Variants in FBXW2 observed in about 807,000 individuals in gnomAD.
FBXW2 encodes the protein F-box and WD repeat domain containing 2.
Under a neutral mutation model 46.0 loss-of-function variants are expected in FBXW2, and 12 were observed. The ratio of observed to expected loss-of-function variants is 0.26; its 90% CI spans 0.17 to 0.42. The LOEUF is 0.42. Among genes scored for constraint, FBXW2 ranks in the 10% least tolerant of loss-of-function variants. The pLI, the probability that FBXW2 is intolerant of heterozygous loss-of-function variation, is 1.00. For synonymous variants in FBXW2, 203 were observed against 209.6 expected (o/e 0.97, Z 0.27); for missense variants, 360 against 537.0 (o/e 0.67, Z 3.26).
At chr9:120,791,423 G>T (rs563309959) in intron 2 of FBXW2, among the ~76,000 whole-genome samples, 3 of 152,242 alleles carry the variant, frequency 2.0e-5, no homozygotes, top group South Asian at 2.1e-4. Context: ...TGTGATTATG[G>T]GCATGTCCAA....
rs1006310540 is a variant in FBXW2, at chr9:120,761,008, T to C, written c.*3551A>G. 11 of 152,240 alleles carry C rather than the reference T, an allele frequency of 7.2e-5. No homozygotes were observed. Among genetic ancestry groups the C allele is most frequent in the African/African-American group, 2.4e-4 (10 of 41,474 alleles). 9.4% of individuals were successfully genotyped at this position (152,240 alleles called of 1,614,324 possible). On this transcript the variant is annotated 3_prime_UTR_variant, in exon 8 of 8. Coordinates refer to ENST00000608872, the MANE Select transcript of FBXW2 (RefSeq NM_012164.4). ...ATGAAGTGCAAACCTTACAATTTCATAGCAATGTTCCCCACGTTTCACTCA... is the reference window on the plus strand; with the variant it reads ...ATGAAGTGCAAACCTTACAATTTCACAGCAATGTTCCCCACGTTTCACTCA...
intron 5 of FBXW2, among the ~76,000 whole-genome samples, chr9:120,773,353 T>A (rs1269861106): frequency 6.6e-6 from 1 of 152,196 alleles, no homozygotes; most frequent in Non-Finnish European, 1.5e-5. Flanking sequence ...TGATCTGCTT[T>A]CATAACTATG....
chr9:120,770,763 C>T (rs919603311), intron 7 of FBXW2, among the ~76,000 whole-genome samples: 1 of 152,212 alleles, frequency 6.6e-6, no homozygotes, highest in Non-Finnish European at 1.5e-5. Flanking sequence ...GCACTGGCTT[C>T]CATCAGCCCC....
intron 3 of FBXW2, among the ~76,000 whole-genome samples, chr9:120,786,018 C>CAAAAAAAAAAAAAAAAA (rs3047150): frequency 2.5e-5 from 1 of 40,548 alleles, no homozygotes. Context: ...GACTCCATCT[C>CAAAAAAAAAAAAAAAAA]AAAAAAAAAA....
At chr9:120,790,389 CAGG>C (rs759868688) in intron 2 of FBXW2, among the ~76,000 whole-genome samples, 118 of 152,220 alleles carry the variant, frequency 7.8e-4, no homozygotes, top group Non-Finnish European at 1.3e-3. Flanking sequence ...GAGGCTGAGG[CAGG>C]AGAATGGCGT....
At chr9:120,778,959 A>G (rs1278430487) in intron 3 of FBXW2, among the ~76,000 whole-genome samples, 2 of 152,262 alleles carry the variant, frequency 1.3e-5, no homozygotes, top group African/African-American at 4.8e-5. Context: ...TTCTGAACAA[A>G]TAAGGATTGT....
In FBXW2 at chr9:120,757,466, G is replaced by A. The variant is rs750728489; in HGVS notation, c.*7093C>T. 4 of 152,036 alleles carry A rather than the reference G, an allele frequency of 2.6e-5. No individual in the cohort carries two copies. The highest frequency in any genetic ancestry group is 5.9e-5 in the Non-Finnish European group (4 of 68,000). The allele number at this position is 152,036 out of a possible 1,614,324, so 9.4% of individuals were successfully genotyped here. On this transcript the variant is annotated 3_prime_UTR_variant, in exon 8 of 8. Transcript: ENST00000608872. ...GTAGTATCTTCTAAAAAGCAGAACT[G>A]GAAACTACCTAATTATCTACCAAAA...
At chr9:120,771,326 G>A (rs370182033) in intron 7 of FBXW2, 22 bp downstream of exon 7, 79 of 1,594,618 alleles carry the variant, frequency 5.0e-5, no homozygotes, top group South Asian at 2.4e-4. Flanking sequence ...AAGGTAAAGC[G>A]TGAGGTCGAA....
In FBXW2 at chr9:120,768,380, C is replaced by T. The variant is rs546412041; in HGVS notation, c.1076+2968G>A. 2.6e-5 allele frequency among the ~76,000 whole-genome samples: 4 copies of T among 152,324 alleles called. No homozygotes were observed. In the East Asian group the frequency reaches 5.8e-4, roughly 22 times the overall value. On this transcript the variant is annotated intron_variant, in intron 7 of 7. Transcript: ENST00000608872. ...CATCAGTCTTCCCCATCCTGCTGAT[C>T]GGTAATTTCCCTGAGTTTGGTAAGT...
In FBXW2 at chr9:120,764,129, A is replaced by G. The variant is rs2131271189; in HGVS notation, c.*430T>C. On this transcript the variant is annotated 3_prime_UTR_variant, in exon 8 of 8. Coordinates refer to ENST00000608872, the MANE Select transcript of FBXW2 (RefSeq NM_012164.4). ...CCCGTGTGAGGAAAGTTGCTGTAAC[A>G]ACATCATAGCACCTTTGCTTCAACT... 2.9e-6 allele frequency: 1 copy of G among 343,174 alleles called. No homozygotes were observed. The highest frequency in any genetic ancestry group is 2.1e-5 in the African/African-American group (1 of 47,436). The allele number at this position is 343,174 out of a possible 1,614,324, so 21.3% of individuals were successfully genotyped here. A position where few individuals can be genotyped will look rare whatever the true frequency, so the allele number is the denominator to read the frequency against.
At position 120,785,718 on chromosome 9, in the gene FBXW2, G is replaced by T. The variant is rs369222822; in HGVS notation, c.490+2051C>A. Among the ~76,000 whole-genome samples, 73 of 152,144 alleles carry T rather than the reference G, an allele frequency of 4.8e-4. 1 individual carries two copies. The highest frequency in any genetic ancestry group is 1.6e-3 in the African/African-American group (66 of 41,508). On this transcript the variant is annotated intron_variant, in intron 3 of 7. Transcript: ENST00000608872. The stretch of plus-strand genomic sequence containing the variant: ...GTATGGCATCAATTCAATCTATCTG[G>T]AAAGGGCACTAAGAAGAGCTATAAA...
chr9:120,772,681 C>T, intron 6 of FBXW2, 73 bp downstream of exon 6: 2 of 984,706 alleles, frequency 2.0e-6, no homozygotes, highest in Non-Finnish European at 3.0e-6. Context: ...TCACCCTTTG[C>T]CATACCACTT....
chr9:120,783,065 A>AAT (rs886533827), intron 3 of FBXW2, among the ~76,000 whole-genome samples: 1 of 152,162 alleles, frequency 6.6e-6, no homozygotes, highest in African/African-American at 2.4e-5. Flanking sequence ...AAATGATTAA[A>AAT]ATGGTAAATT....
chr9:120,791,590 A>T (rs2044842883), intron 2 of FBXW2, among the ~76,000 whole-genome samples: 1 of 152,212 alleles, frequency 6.6e-6, no homozygotes, highest in African/African-American at 2.4e-5. Context: ...TACTACTATG[A>T]ACACCTGGCA....
chr9:120,786,656 T>C (rs751148223), intron 3 of FBXW2, among the ~76,000 whole-genome samples: 1 of 152,206 alleles, frequency 6.6e-6, no homozygotes, highest in Non-Finnish European at 1.5e-5. Context: ...GGAAGTTATC[T>C]TGGATGAAAA....
chr9:120,764,203 G>A lies in FBXW2; in HGVS notation c.*356C>T, dbSNP rs2044234994. Reference sequence around the variant, plus strand: ...AAAAAGCTTTAATAACAGACAATGTGATTTCATAGGCAACCAATTAGCAGA... The same window carrying A: ...AAAAAGCTTTAATAACAGACAATGTAATTTCATAGGCAACCAATTAGCAGA... On this transcript the variant is annotated 3_prime_UTR_variant, in exon 8 of 8. Transcript: ENST00000608872. 1 of 401,280 alleles carries A rather than the reference G, an allele frequency of 2.5e-6. No homozygotes were observed. Among genetic ancestry groups the A allele is most frequent in the South Asian group, 1.3e-4 (1 of 7,534 alleles). 24.9% of individuals were successfully genotyped at this position (401,280 alleles called of 1,614,324 possible).
In FBXW2 at chr9:120,765,902, C is replaced by T. The variant is rs577888919; in HGVS notation, c.1077-1055G>A. On this transcript the variant is annotated intron_variant, in intron 7 of 7. Transcript: ENST00000608872. ...GTTTCCAAGACATCAATGACAAAGG[C>T]TAGGAGACACCTAGCTAAACAGCAG... Among the ~76,000 whole-genome samples the T allele has an allele frequency of 2.4e-4, 37 of 152,124 alleles. No homozygotes were observed. In the South Asian group the frequency reaches 7.5e-3, roughly 31 times the overall value.
Position 120,778,565 on chromosome 9 carries a change from A to C in FBXW2, c.491-20T>G. ...CTGACCCTTCAAGAGAAAAACAGGGAGGTTAATAAGAAAACAAACACACTA... is the reference window on the plus strand; with the variant it reads ...CTGACCCTTCAAGAGAAAAACAGGGCGGTTAATAAGAAAACAAACACACTA... On this transcript the variant is annotated intron_variant, in intron 3 of 7. Coordinates refer to ENST00000608872, the MANE Select transcript of FBXW2 (RefSeq NM_012164.4). The C allele has an allele frequency of 6.2e-7, 1 of 1,604,456 alleles. No homozygotes were observed. Among genetic ancestry groups the C allele is most frequent in the Non-Finnish European group, 8.5e-7 (1 of 1,173,730 alleles).
Position 120,759,500 on chromosome 9 carries a change from T to A in FBXW2, c.*5059A>T, listed in dbSNP as rs145867352. 3.3e-5 allele frequency: 5 copies of A among 152,306 alleles called. No homozygotes were observed. In the East Asian group the frequency reaches 9.6e-4, roughly 29 times the overall value. The allele number at this position is 152,306 out of a possible 1,614,324, so 9.4% of individuals were successfully genotyped here. On this transcript the variant is annotated 3_prime_UTR_variant, in exon 8 of 8. Coordinates refer to ENST00000608872, the MANE Select transcript of FBXW2 (RefSeq NM_012164.4). ...CCTCTAAATCACAACATACATCAAA[T>A]TCGTGAAATATGAGTTGATTACTTT...
Sources: allele counts gnomAD v4.1 joint callset (sites outside exome capture counted in the v4.1 genomes callset), GRCh38; gene constraint gnomAD v4.1.1; transcripts MANE v1.5; gene names NCBI Gene and HGNC (gene_info 2026-07-23, HGNC 2026-07-21).